Variants in PPAT observed in about 807,000 individuals in gnomAD.
PPAT encodes the protein phosphoribosyl pyrophosphate amidotransferase.
In PPAT, 20 loss-of-function variants were observed where a neutral mutation model predicts 60.2. The ratio of observed to expected loss-of-function variants is 0.33; its 90% CI spans 0.23 to 0.48. The LOEUF is 0.48. PPAT is among the 20% of genes least tolerant of loss of function. The pLI is 0.99. For synonymous variants in PPAT, 194 were observed against 215.1 expected (o/e 0.90, Z 0.86); for missense variants, 349 against 629.6 (o/e 0.55, Z 4.77).
chr4:56,418,331 T>C (rs1181827581), intron 1 of PPAT, among the ~76,000 whole-genome samples: 1 of 152,142 alleles, frequency 6.6e-6, no homozygotes, highest in Non-Finnish European at 1.5e-5. Flanking sequence ...TTATTTTATC[T>C]TATTTTGAGA....
At chr4:56,410,927 A>G in intron 1 of PPAT, 3 of 763,134 alleles carry the variant, frequency 3.9e-6, no homozygotes, top group South Asian at 6.0e-5. Context: ...AAAAAAAAAA[A>G]AGAAAAGTAC....
At chr4:56,415,039 CT>C (rs1716651834) in intron 1 of PPAT, among the ~76,000 whole-genome samples, 1 of 151,986 alleles carries the variant, frequency 6.6e-6, no homozygotes, top group Admixed American at 6.6e-5. Flanking sequence ...CATAGAAACC[CT>C]AATAGAGTTT....
At chr4:56,418,694 T>C (rs1337112894) in intron 1 of PPAT, among the ~76,000 whole-genome samples, 1 of 152,238 alleles carries the variant, frequency 6.6e-6, no homozygotes, top group Non-Finnish European at 1.5e-5. Context: ...CCAAAGTTAA[T>C]GTGCTTGTAA....
rs764524347 is a variant in PPAT, at chr4:56,401,427, G to A, written c.789C>T (p.Val263=). The A allele has an allele frequency of 1.2e-6, 2 of 1,606,108 alleles. No individual in the cohort carries two copies. The highest frequency in any genetic ancestry group is 1.7e-6 in the Non-Finnish European group (2 of 1,174,484). Residue 263 remains valine, a synonymous_variant, in exon 7 of 11, where the codon GTC becomes GTT. Coordinates refer to ENST00000264220, the MANE Select transcript of PPAT (RefSeq NM_002703.5). ...ACCTTGATATAATATCAAGAGTTTG[G>A]ACATTGTGTCTGGATATTTCCACAA... The part of the protein sequence containing the change: ...GEIVEISRHN[V]QTLDIISRSE...
At chr4:56,423,237 C>T (rs965091758) in intron 1 of PPAT, 1 of 152,224 alleles carries the variant, frequency 6.6e-6, no homozygotes, top group African/African-American at 2.4e-5. Flanking sequence ...TTCCTATACT[C>T]CTGGCAAACT....
intron 1 of PPAT, chr4:56,420,704 G>A (rs1245995329): frequency 6.6e-6 from 1 of 152,070 alleles, no homozygotes; most frequent in Non-Finnish European, 1.5e-5. Flanking sequence ...GTAAAATTGA[G>A]TAAAATAGAA....
chr4:56,419,321 A>G (rs1418179282), intron 1 of PPAT, among the ~76,000 whole-genome samples: 1 of 152,212 alleles, frequency 6.6e-6, no homozygotes, highest in African/African-American at 2.4e-5. Flanking sequence ...ATACACTGAC[A>G]TACACCCTAC....
At chr4:56,413,014 T>TCA (rs35394438) in intron 1 of PPAT, among the ~76,000 whole-genome samples, 103,683 of 151,882 alleles carry the variant, frequency 0.68, 35,497 homozygotes, top group South Asian at 0.76. Context: ...GTGTGGGTCT[T>TCA]CCACCCCCAT....
chr4:56,434,201 A>G (rs1395401182), intron 1 of PPAT, among the ~76,000 whole-genome samples: 1 of 152,248 alleles, frequency 6.6e-6, no homozygotes, highest in Non-Finnish European at 1.5e-5. Flanking sequence ...TCAGCTCTTT[A>G]GTAAACAAGG....
chr4:56,423,758 T>C (rs1717156387), intron 1 of PPAT, among the ~76,000 whole-genome samples: 1 of 151,962 alleles, frequency 6.6e-6, no homozygotes, highest in Non-Finnish European at 1.5e-5. Flanking sequence ...ATCCTAGAGA[T>C]TATATTATTT....
At position 56,410,594 on chromosome 4, in the gene PPAT, C is replaced by G. The variant is rs553764931; in HGVS notation, c.129-2878G>C. ...AAGTGTCTGGGCAGAAAAAAATATA[C>G]GAAAACAACTTTATGGAACACTAAG... On this transcript the variant is annotated intron_variant, in intron 1 of 10. Coordinates refer to ENST00000264220, the MANE Select transcript of PPAT (RefSeq NM_002703.5). 1.1e-5 allele frequency: 11 copies of G among 985,690 alleles called. No individual in the cohort carries two copies. In the African/African-American group the frequency reaches 1.9e-4, roughly 17 times the overall value. The allele number at this position is 985,690 out of a possible 1,614,324, so 61.1% of individuals were successfully genotyped here. A position where few individuals can be genotyped will look rare whatever the true frequency, so the allele number is the denominator to read the frequency against.
At chr4:56,421,132 T>A (rs185802812) in intron 1 of PPAT, 2 of 152,384 alleles carry the variant, frequency 1.3e-5, no homozygotes, top group Admixed American at 1.3e-4. Flanking sequence ...CAACATTAGA[T>A]TCTCACATTA....
At chr4:56,433,413 G>GA (rs1182906456) in intron 1 of PPAT, among the ~76,000 whole-genome samples, 24 of 90,148 alleles carry the variant, frequency 2.7e-4, no homozygotes, top group East Asian at 1.1e-3. Context: ...AAAAAAAAAA[G>GA]AAAAAAAAAA....
chr4:56,433,819 G>C (rs1028414514), intron 1 of PPAT, among the ~76,000 whole-genome samples: 1 of 151,714 alleles, frequency 6.6e-6, no homozygotes, highest in Non-Finnish European at 1.5e-5. Context: ...CTCAGCCTCC[G>C]GAGTAGCTAG....
rs1327962474 is a variant in PPAT at position 56,410,455 on chromosome 4, G to T, written c.129-2739C>A. The T allele has an allele frequency of 3.3e-6, 3 of 922,332 alleles. No individual in the cohort carries two copies. In the East Asian group the frequency reaches 3.5e-4, roughly 108 times the overall value. 57.1% of individuals were successfully genotyped at this position (922,332 alleles called of 1,614,324 possible). A position where few individuals can be genotyped will look rare whatever the true frequency, so the allele number is the denominator to read the frequency against. On this transcript the variant is annotated intron_variant, in intron 1 of 10. Coordinates refer to ENST00000264220, the MANE Select transcript of PPAT (RefSeq NM_002703.5). ...GGAGCTTATTGACAACCAGCCATGTGGTTTCCTAGGAAACAAAACCTTGGC... is the reference window on the plus strand; with the variant it reads ...GGAGCTTATTGACAACCAGCCATGTTGTTTCCTAGGAAACAAAACCTTGGC...
intron 1 of PPAT, among the ~76,000 whole-genome samples, chr4:56,434,101 A>C (rs796725990): frequency 1.3e-5 from 2 of 152,326 alleles, no homozygotes; most frequent in African/African-American, 4.8e-5. Context: ...TTTTTTAAAA[A>C]AAACAAGAAA....
In PPAT at chr4:56,399,331, T is replaced by A; in HGVS notation, c.1084A>T (p.Met362Leu). The change falls in exon 9 of 11, where the codon ATG (methionine) becomes TTG (leucine). Residue 362 changes from methionine (M) to leucine (L), a missense_variant. By Grantham distance (15) the Met-to-Leu change is conservative. Coordinates refer to ENST00000264220, the MANE Select transcript of PPAT (RefSeq NM_002703.5). ...YVGRTFIQPN[M>L]RLRQLGVAKK... ...GCAACACCAAGTTGTCTTAACCTCA[T>A]GTTTGGCTGAATGAAGGTTCTCCCT... is the stretch of plus-strand genomic sequence containing the variant. The A allele has an allele frequency of 6.2e-7, 1 of 1,614,034 alleles. No homozygotes were observed. Among genetic ancestry groups the A allele is most frequent in the East Asian group, 2.2e-5 (1 of 44,856 alleles).
intron 1 of PPAT, among the ~76,000 whole-genome samples, chr4:56,409,859 A>G (rs1483283690): frequency 6.6e-6 from 1 of 152,208 alleles, no homozygotes; most frequent in Non-Finnish European, 1.5e-5. Flanking sequence ...TATATATTGC[A>G]ATTGTTGCAG....
At chr4:56,423,485 T>C (rs2110061404) in intron 1 of PPAT, 1 of 152,142 alleles carries the variant, frequency 6.6e-6, no homozygotes, top group East Asian at 1.9e-4. Context: ...TTTTAAAAAA[T>C]AAGAAAATCA....
Sources: gnomAD v4.1 joint callset for allele counts (sites outside exome capture counted in the v4.1 genomes callset) on GRCh38, gnomAD v4.1.1 for gene constraint, MANE v1.5 for transcripts, NCBI Gene and HGNC (gene_info 2026-07-23, HGNC 2026-07-21) for gene names.